CRBN: variants seen among roughly 807,000 people sequenced by gnomAD.
CRBN encodes the protein cereblon.
In CRBN, 53 loss-of-function variants were observed where a neutral mutation model predicts 62.2. That is an observed-to-expected ratio of 0.85 (90% CI 0.68 to 1.07). CRBN has a LOEUF of 1.07. CRBN is among the 50% of genes least tolerant of loss of function. CRBN has a pLI of 0.00. For synonymous variants in CRBN, 208 were observed against 176.1 expected (o/e 1.18, Z -1.43); for missense variants, 616 against 531.1 (o/e 1.16, Z -1.57).
At chr3:3,170,463 T>C (rs1169763112) in intron 4 of CRBN, among the ~76,000 whole-genome samples, 4 of 152,224 alleles carry the variant, frequency 2.6e-5, no homozygotes, top group Admixed American at 6.5e-5. Flanking sequence ...TCTGGTATAA[T>C]GGAAGGAGTA....
intron 5 of CRBN, among the ~76,000 whole-genome samples, chr3:3,162,687 C>T (rs546402588): frequency 1.0e-3 from 155 of 152,178 alleles, no homozygotes; most frequent in Middle Eastern, 3.4e-3. Context: ...AGACTACAAT[C>T]CTCGATACTT....
rs778739135 is a variant in CRBN, at chr3:3,150,831, A to G, written c.*34T>C. ...CAAAGCAGATCTTAGAATATAACCA[A>G]TTTGTTAGATAACTTTATCTCTATC... On this transcript the variant is annotated 3_prime_UTR_variant, in exon 11 of 11. Transcript: ENST00000231948. 4 of 1,545,358 alleles carry G rather than the reference A, an allele frequency of 2.6e-6. No homozygotes were observed. Among genetic ancestry groups the G allele is most frequent in the South Asian group, 2.3e-5 (2 of 88,458 alleles).
Position 3,150,766 on chromosome 3 carries a change from T to A in CRBN, c.*99A>T. ...AATGTTATGTTTACTTAGGTATTAA[T>A]GTTATGTTTACTTAGGTATGTATCA... On this transcript the variant is annotated 3_prime_UTR_variant, in exon 11 of 11. Transcript: ENST00000231948. 2 of 1,135,278 alleles carry A rather than the reference T, an allele frequency of 1.8e-6. No individual in the cohort carries two copies. Among genetic ancestry groups the A allele is most frequent in the Non-Finnish European group, 2.6e-6 (2 of 781,722 alleles). The allele number at this position is 1,135,278 out of a possible 1,614,324, so 70.3% of individuals were successfully genotyped here.
chr3:3,150,874 A>G lies in CRBN; in HGVS notation c.1320T>C (p.Leu440=). The G allele has an allele frequency of 6.2e-7, 1 of 1,613,606 alleles. No individual in the cohort carries two copies. Among genetic ancestry groups the G allele is most frequent in the Non-Finnish European group, 8.5e-7 (1 of 1,179,686 alleles). ...EDEISPDKVI[L]CL The stretch of plus-strand genomic sequence containing the variant: ...TCTCTATCACATCTGTTTACAAGCA[A>G]AGTATTACTTTGTCTGGACTTATTT... The change falls in exon 11 of 11, where the codon CTT becomes CTC. Residue 440 remains leucine (L), a synonymous_variant. Coordinates refer to ENST00000231948, the MANE Select transcript of CRBN (RefSeq NM_016302.4).
In CRBN at chr3:3,175,202, G is replaced by T; in HGVS notation, c.135C>A (p.Asn45Lys). Residue 45 changes from asparagine to lysine, a missense_variant, in exon 2 of 11, where the codon AAC becomes AAA. Transcript: ENST00000231948. ...DQDSKEAKKPNIINFDTSLPT... is the reference protein window; with the variant it reads ...DQDSKEAKKPKIINFDTSLPT... ...GCAGACTGGTGTCAAAATTTATGAT[G>T]TTTGGTTTTTTGGCTTCTTTACTAT... is the stretch of plus-strand genomic sequence containing the variant. 6.2e-7 allele frequency: 1 copy of T among 1,613,096 alleles called. No homozygotes were observed. The highest frequency in any genetic ancestry group is 2.2e-5 in the East Asian group (1 of 44,806).
In CRBN at chr3:3,179,625, C is replaced by T. The variant is rs1324469390; in HGVS notation, c.63G>A (p.Leu21=). The T allele has an allele frequency of 3.1e-6, 5 of 1,613,632 alleles. No homozygotes were observed. Among genetic ancestry groups the T allele is most frequent in the East Asian group, 2.2e-5 (1 of 44,868 alleles). Residue 21 remains leucine, a synonymous_variant, in exon 1 of 11, where the codon CTG becomes CTA. Transcript: ENST00000231948. ...GGAACTACTCCGGGCGGTTACCAGG[C>T]AGGAGCGGCAGGTGGTTGCCCATGT... ...AHNMGNHLPL[L]PAESEEEDEM...
chr3:3,150,846 T>TTTATC lies in CRBN; in HGVS notation c.*18_*19insGATAA. On this transcript the variant is annotated 3_prime_UTR_variant, in exon 11 of 11. Transcript: ENST00000231948. ...AATATAACCAATTTGTTAGATAACT[T>TTTATC]TATCTCTATCACATCTGTTTACAAG... 7.4e-7 allele frequency: 1 copy of TTTATC among 1,358,416 alleles called. No individual in the cohort carries two copies. The highest frequency in any genetic ancestry group is 1.0e-6 in the Non-Finnish European group (1 of 968,590). The allele number at this position is 1,358,416 out of a possible 1,614,324, so 84.1% of individuals were successfully genotyped here.
chr3:3,156,428 G>T, intron 5 of CRBN, 147 bp from the exon 6 acceptor site: 1 of 667,030 alleles, frequency 1.5e-6, no homozygotes, highest in Non-Finnish European at 2.7e-6. Flanking sequence ...CCCATGACGT[G>T]ACTATCTATG....
Position 3,150,712 on chromosome 3 carries a change from T to G in CRBN, c.*153A>C, listed in dbSNP as rs79231110. 1.4e-6 allele frequency: 1 copy of G among 739,704 alleles called. No homozygotes were observed. The highest frequency in any genetic ancestry group is 1.8e-5 in the African/African-American group (1 of 56,592). The allele number at this position is 739,704 out of a possible 1,614,324, so 45.8% of individuals were successfully genotyped here. ...GTATACTTAAAAGTTTCAAATACAG[T>G]TTCACTTAGAAACTGCAACCCTCCA... On this transcript the variant is annotated 3_prime_UTR_variant, in exon 11 of 11. Coordinates refer to ENST00000231948, the MANE Select transcript of CRBN (RefSeq NM_016302.4).
At chr3:3,178,572 A>T (rs1007417848) in intron 1 of CRBN, among the ~76,000 whole-genome samples, 1 of 152,100 alleles carries the variant, frequency 6.6e-6, no homozygotes, top group Non-Finnish European at 1.5e-5. Context: ...GATCTACCTG[A>T]AAGGCTTTTT....
At chr3:3,175,301 A>C (rs111857248) in intron 1 of CRBN, 32 bp from the exon 2 acceptor site, 23,126 of 1,446,302 alleles carry the variant, frequency 0.016, 289 homozygotes, top group Non-Finnish European at 0.019. Context: ...AGAAAAAAAA[A>C]AAGATGAATG....
intron 5 of CRBN, among the ~76,000 whole-genome samples, chr3:3,158,444 G>A (rs944277297): frequency 6.6e-6 from 1 of 152,184 alleles, no homozygotes; most frequent in Non-Finnish European, 1.5e-5. Context: ...AGTGGTTAAA[G>A]CCTGAGGAGT....
At chr3:3,152,345 C>A in intron 10 of CRBN, 111 bp downstream of exon 10, 2 of 1,191,550 alleles carry the variant, frequency 1.7e-6, no homozygotes, top group Admixed American at 4.2e-5. Flanking sequence ...ACTCATTTGT[C>A]TGTCTACTTT....
At chr3:3,159,056 T>C (rs554990701) in intron 5 of CRBN, among the ~76,000 whole-genome samples, 30 of 152,302 alleles carry the variant, frequency 2.0e-4, no homozygotes, top group Middle Eastern at 6.8e-3. Flanking sequence ...GAAGAACATG[T>C]TTGCTTCCCC....
intron 4 of CRBN, 139 bp from the exon 5 acceptor site, chr3:3,167,932 T>C: frequency 2.7e-6 from 2 of 748,198 alleles, no homozygotes; most frequent in Non-Finnish European, 4.4e-6. Context: ...AATACTGATG[T>C]TAAGATACAG....
In CRBN at chr3:3,175,263, C is replaced by T. The variant is rs770418684; in HGVS notation, c.74G>A (p.Ser25Asn). ...GNHLPLLPAE[S>N]EEEDEMEVED... ...AACTTCCATTTCATCTTCTTCCTCACTCTCTGCTATAAAAGTAGAATATTG... is the reference window on the plus strand; with the variant it reads ...AACTTCCATTTCATCTTCTTCCTCATTCTCTGCTATAAAAGTAGAATATTG... Residue 25 changes from serine to asparagine, a missense_variant, in exon 2 of 11, where the codon AGT becomes AAT. Physicochemically the swap from Ser to Asn is conservative, Grantham distance 46. Transcript: ENST00000231948. The T allele has an allele frequency of 6.2e-7, 1 of 1,601,286 alleles. No homozygotes were observed. Among genetic ancestry groups the T allele is most frequent in the South Asian group, 1.1e-5 (1 of 90,786 alleles).
At chr3:3,155,819 TC>T (rs111649688) in intron 6 of CRBN, 103 of 160,392 alleles carry the variant, frequency 6.4e-4, no homozygotes, top group South Asian at 1.7e-3. Flanking sequence ...CCTTTTTTTT[TC>T]CCTTTTGAGA....
intron 8 of CRBN, 142 bp from the exon 9 acceptor site, chr3:3,153,630 A>T: frequency 1.5e-6 from 1 of 674,738 alleles, no homozygotes; most frequent in Non-Finnish European, 2.7e-6. Context: ...ATTCAAAAAC[A>T]CTTTTAAAGA....
intron 4 of CRBN, chr3:3,172,554 T>C (rs1707661339): frequency 8.8e-6 from 5 of 571,008 alleles, no homozygotes; most frequent in Admixed American, 6.1e-5. Context: ...TCTCTGGAGA[T>C]GGGAGATGAG....
Sources: gnomAD v4.1 joint callset for allele counts (sites outside exome capture counted in the v4.1 genomes callset) on GRCh38, gnomAD v4.1.1 for gene constraint, MANE v1.5 for transcripts, NCBI Gene and HGNC (gene_info 2026-07-23, HGNC 2026-07-21) for gene names.